Variants in TYW1B observed in about 807,000 individuals in gnomAD.
The protein encoded by TYW1B is tRNA-yW synthesizing protein 1 homolog B, also known as S-adenosyl-L-methionine-dependent tRNA 4-demethylwyosine synthase TYW1B.
Under a neutral mutation model 86.9 loss-of-function variants are expected in TYW1B, and 73 were observed. The observed-to-expected ratio is 0.84, with a 90% CI of 0.70 to 1.02. The LOEUF (loss-of-function observed/expected upper bound fraction) is 1.02, where lower values mean the gene tolerates loss of function less well. TYW1B is among the 50% of genes least tolerant of loss of function. The probability of loss-of-function intolerance (pLI) is 0.00; values close to 1 mark genes in which losing one functional copy is unlikely to be tolerated. For missense variants in TYW1B, 637 were observed against 827.4 expected, an observed-to-expected ratio of 0.77 and a Z score of 2.82; for synonymous variants, 248 against 292.8, an observed-to-expected ratio of 0.85 and a Z score of 1.56.
At chr7:72,753,737 C>T (rs962011957) in intron 7 of TYW1B, among the ~76,000 whole-genome samples, 2 of 152,086 alleles carry the variant, frequency 1.3e-5, no homozygotes, top group African/African-American at 4.8e-5. Flanking sequence ...TCTCAGCCTC[C>T]CAAAGTGCTG....
At chr7:72,616,952 T>C (rs1295806203) in intron 12 of TYW1B, 113 bp from the exon 13 acceptor site, 1 of 1,395,700 alleles carries the variant, frequency 7.2e-7, no homozygotes, top group Non-Finnish European at 9.8e-7. Context: ...CAGTCCGTAT[T>C]TTACAGTGAA....
chr7:72,740,316 C>G (rs1397258584), intron 8 of TYW1B, among the ~76,000 whole-genome samples: 1 of 151,882 alleles, frequency 6.6e-6, no homozygotes, highest in Non-Finnish European at 1.5e-5. Flanking sequence ...ATGAGAATTG[C>G]TTGAACCCAG....
intron 11 of TYW1B, among the ~76,000 whole-genome samples, chr7:72,670,932 A>T (rs1261121652): frequency 1.3e-5 from 2 of 152,208 alleles, no homozygotes; most frequent in African/African-American, 4.8e-5. Flanking sequence ...ATGGCCTCTT[A>T]GGTTTGCATA....
chr7:72,734,082 C>T (rs558664357), intron 8 of TYW1B, among the ~76,000 whole-genome samples: 1 of 151,940 alleles, frequency 6.6e-6, no homozygotes, highest in African/African-American at 2.4e-5. Context: ...CATAGTGAAA[C>T]CCCATCTCTA....
chr7:72,715,213 T>C (rs2129570745), intron 9 of TYW1B, among the ~76,000 whole-genome samples: 1 of 152,102 alleles, frequency 6.6e-6, no homozygotes, highest in African/African-American at 2.4e-5. Flanking sequence ...GTGATTCCAA[T>C]GTGTAGACAA....
At chr7:72,599,225 T>C (rs1585836838) in intron 13 of TYW1B, among the ~76,000 whole-genome samples, 1 of 152,194 alleles carries the variant, frequency 6.6e-6, no homozygotes, top group East Asian at 1.9e-4. Flanking sequence ...GGAAGACTGG[T>C]TCAACATTCA....
chr7:72,816,411 G>C (rs1788723705), intron 2 of TYW1B, among the ~76,000 whole-genome samples: 3 of 152,094 alleles, frequency 2.0e-5, no homozygotes, highest in African/African-American at 7.2e-5. Context: ...AGAGTGAAGA[G>C]TGAAAAGAAT....
chr7:72,733,675 GA>G (rs1343800538), intron 8 of TYW1B, among the ~76,000 whole-genome samples: 1 of 151,194 alleles, frequency 6.6e-6, no homozygotes, highest in Non-Finnish European at 1.5e-5. Context: ...AAATAAGAAA[GA>G]AAAAAAAGAA....
chr7:72,777,618 A>T, intron 6 of TYW1B, 85 bp from the exon 7 acceptor site: 1 of 1,522,236 alleles, frequency 6.6e-7, no homozygotes, highest in Non-Finnish European at 9.0e-7. Context: ...AGCATCAATA[A>T]AAAGGTCCAT....
At chr7:72,690,812 A>C (rs1554450196) in intron 11 of TYW1B, among the ~76,000 whole-genome samples, 1 of 151,384 alleles carries the variant, frequency 6.6e-6, no homozygotes, top group South Asian at 2.1e-4. Context: ...CAATGGTGTG[A>C]TCTCGGCTCG....
At chr7:72,800,502 A>G (rs1447090931) in intron 6 of TYW1B, among the ~76,000 whole-genome samples, 2 of 152,144 alleles carry the variant, frequency 1.3e-5, no homozygotes, top group African/African-American at 4.8e-5. Context: ...CACTCAGCCA[A>G]CATAATTTAT....
At chr7:72,580,099 G>A (rs1811117903) in intron 13 of TYW1B, among the ~76,000 whole-genome samples, 1 of 152,134 alleles carries the variant, frequency 6.6e-6, no homozygotes, top group African/African-American at 2.4e-5. Context: ...CTTGGGAGGG[G>A]AGGGGGGCCA....
intron 13 of TYW1B, among the ~76,000 whole-genome samples, chr7:72,613,483 C>T (rs1212780965): frequency 7.1e-6 from 1 of 141,306 alleles, no homozygotes; most frequent in Non-Finnish European, 1.5e-5. Flanking sequence ...GCTTGACTCA[C>T]TGCAACCTCC....
intron 10 of TYW1B, among the ~76,000 whole-genome samples, chr7:72,709,005 A>C (rs1814678819): frequency 6.6e-6 from 1 of 152,210 alleles, no homozygotes; most frequent in South Asian, 2.1e-4. Flanking sequence ...TCTTATACTT[A>C]GGACTTCCTA....
chr7:72,727,988 T>C (rs1244565882), intron 9 of TYW1B, among the ~76,000 whole-genome samples: 1 of 152,148 alleles, frequency 6.6e-6, no homozygotes, highest in Non-Finnish European at 1.5e-5. Flanking sequence ...TTTGTTAATA[T>C]GAGACAGAAT....
intron 12 of TYW1B, among the ~76,000 whole-genome samples, chr7:72,623,134 A>C (rs1292455721): frequency 6.6e-6 from 1 of 152,252 alleles, no homozygotes; most frequent in Non-Finnish European, 1.5e-5. Context: ...AACCTTCCTC[A>C]AACTGGATTT....
intron 13 of TYW1B, among the ~76,000 whole-genome samples, chr7:72,576,768 TC>T (rs1424905991): frequency 6.6e-6 from 1 of 151,786 alleles, no homozygotes; most frequent in Non-Finnish European, 1.5e-5. Flanking sequence ...GGCCTCGGCC[TC>T]CCAAAGTGCT....
chr7:72,611,502 C>T (rs1223124222), intron 13 of TYW1B, among the ~76,000 whole-genome samples: 1 of 152,132 alleles, frequency 6.6e-6, no homozygotes, highest in African/African-American at 2.4e-5. Flanking sequence ...TCCTCTTTCG[C>T]TTGGCCCTCT....
chr7:72,722,108 A>T (rs1454314951), intron 9 of TYW1B, among the ~76,000 whole-genome samples: 7 of 152,194 alleles, frequency 4.6e-5, no homozygotes, highest in Admixed American at 6.6e-5. Flanking sequence ...TTTGATACAG[A>T]TACTCCACTT....
Sources: gnomAD v4.1 joint callset for allele counts (sites outside exome capture counted in the v4.1 genomes callset) on GRCh38, gnomAD v4.1.1 for gene constraint, MANE v1.5 for transcripts, NCBI Gene and HGNC (gene_info 2026-07-23, HGNC 2026-07-21) for gene names.